Variants in IQSEC3 observed in about 807,000 individuals in gnomAD.
IQSEC3 encodes IQ motif and Sec7 domain ArfGEF 3.
IQSEC3 carries 50 observed loss-of-function variants against 105.4 expected under a neutral mutation model. The ratio of observed to expected loss-of-function variants is 0.47; its 90% CI spans 0.38 to 0.60. IQSEC3 has a LOEUF of 0.60. Ranked by LOEUF, IQSEC3 falls within the 20% of genes least tolerant of loss-of-function variation. The pLI, the probability that IQSEC3 is intolerant of heterozygous loss-of-function variation, is 0.00. For synonymous variants in IQSEC3, 708 were observed against 746.0 expected (o/e 0.95, Z 0.83); for missense variants, 1,415 against 1,630.0 (o/e 0.87, Z 2.27).
chr12:92,819 G>C (rs1250989592), intron 1 of IQSEC3, among the ~76,000 whole-genome samples: 1 of 152,174 alleles, frequency 6.6e-6, no homozygotes, highest in African/African-American at 2.4e-5. Context: ...GCAGCCCCTG[G>C]GAAGCAGGTT....
intron 5 of IQSEC3, among the ~76,000 whole-genome samples, chr12:149,454 T>C (rs931613372): frequency 6.6e-6 from 1 of 152,162 alleles, no homozygotes; most frequent in Admixed American, 6.5e-5. Context: ...TGAGTAATCC[T>C]GGGCCGTTGG....
intron 3 of IQSEC3, among the ~76,000 whole-genome samples, chr12:131,977 T>C (rs1483170856): frequency 6.6e-6 from 1 of 152,128 alleles, no homozygotes; most frequent in African/African-American, 2.4e-5. Context: ...ATGCCGTGAA[T>C]AACTTATGCT....
At chr12:125,393 G>A (rs543900829) in intron 2 of IQSEC3, among the ~76,000 whole-genome samples, 3 of 151,944 alleles carry the variant, frequency 2.0e-5, no homozygotes, top group African/African-American at 7.3e-5. Flanking sequence ...CCTGAGCCCT[G>A]GCCATAGCTG....
At chr12:98,956 C>T (rs537796297) in intron 1 of IQSEC3, among the ~76,000 whole-genome samples, 190 bp from the exon 2 acceptor site, 20 of 152,076 alleles carry the variant, frequency 1.3e-4, no homozygotes, top group Non-Finnish European at 2.8e-4. Context: ...ATTTAAGAGG[C>T]CTCTGATGGA....
intron 1 of IQSEC3, among the ~76,000 whole-genome samples, chr12:90,218 T>C (rs1345098194): frequency 4.6e-5 from 7 of 152,250 alleles, no homozygotes; most frequent in African/African-American, 1.7e-4. Context: ...TATATTTCCT[T>C]TGGAGAAGTG....
chr12:135,978 T>C (rs564489799), intron 3 of IQSEC3, among the ~76,000 whole-genome samples: 1 of 152,346 alleles, frequency 6.6e-6, no homozygotes, highest in East Asian at 1.9e-4. Context: ...CAGGTGCTAC[T>C]TTAAGTGGCT....
rs1555083114 is a variant in IQSEC3 at position 125,735 on chromosome 12, A to G, written c.726A>G (p.Gln242=). 3.3e-6 allele frequency: 5 copies of G among 1,524,530 alleles called. No individual in the cohort carries two copies. The highest frequency in any genetic ancestry group is 3.5e-6 in the Non-Finnish European group (4 of 1,144,992). 94.4% of individuals were successfully genotyped at this position (1,524,530 alleles called of 1,614,324 possible). ...GRPSAHAPKA[Q]AQELQEEEER... ...CCAGTGCCCATGCCCCGAAGGCTCAAGCCCAGGAGCTGCAGGAGGAGGAGG... is the reference window on the plus strand; with the variant it reads ...CCAGTGCCCATGCCCCGAAGGCTCAGGCCCAGGAGCTGCAGGAGGAGGAGG... Residue 242 remains glutamine (Q), a synonymous_variant, in exon 3 of 14, where the codon CAA becomes CAG. Transcript: ENST00000538872.
rs1866008692 is a variant in IQSEC3, at chr12:141,173, G to C, written c.2041G>C (p.Asp681His). 2 of 1,612,872 alleles carry C rather than the reference G, an allele frequency of 1.2e-6. No individual in the cohort carries two copies. The highest frequency in any genetic ancestry group is 1.3e-5 in the African/African-American group (1 of 74,550). ...QFLISRGFIP[D>H]TPIGVAHFLL... is the part of the protein sequence containing the mutation. The stretch of plus-strand genomic sequence containing the variant: ...CCTGATCTCACGCGGCTTCATCCCG[G>C]ACACCCCCATCGGTGTGGCCCATTT... The change falls in exon 5 of 14, where the codon GAC (aspartate) becomes CAC (histidine). Residue 681 changes from aspartate (D) to histidine (H), a missense_variant. Around this residue, in one of 6 missense-constraint regions of IQSEC3, gnomAD observed 213 missense variants for 306.2 expected, o/e 0.70. Coordinates refer to ENST00000538872, the MANE Select transcript of IQSEC3 (RefSeq NM_001170738.2).
rs1555098217 is a variant in IQSEC3 at position 165,785 on chromosome 12, G to C, written c.2866G>C (p.Val956Leu). Residue 956 changes from valine (V) to leucine (L), a missense_variant, in exon 11 of 14, where the codon GTG becomes CTG. This residue lies in a region of IQSEC3 where 419 missense variants were observed against 436.2 expected (regional missense o/e 0.96). Transcript: ENST00000538872. ...GCTCTCGGGCTCCGAGAAGAAGCAG[G>C]TGCTGCATTTCTGTGCCCTGGGCTC... ...TPLSGSEKKQ[V>L]LHFCALGSDE... 1.9e-6 allele frequency: 3 copies of C among 1,613,926 alleles called. No individual in the cohort carries two copies. Among genetic ancestry groups the C allele is most frequent in the Non-Finnish European group, 1.7e-6 (2 of 1,180,058 alleles).
At chr12:75,583 T>C (rs1365654857) in intron 1 of IQSEC3, among the ~76,000 whole-genome samples, 3 of 152,196 alleles carry the variant, frequency 2.0e-5, no homozygotes, top group African/African-American at 7.2e-5. Context: ...CATGACTCTG[T>C]TGGGGTTTGC....
At chr12:88,883 G>C (rs1555072702) in intron 1 of IQSEC3, among the ~76,000 whole-genome samples, 1 of 152,222 alleles carries the variant, frequency 6.6e-6, no homozygotes. Context: ...CTCAGTAGCA[G>C]AGACTAATAA....
In IQSEC3 at chr12:138,470, G is replaced by T; in HGVS notation, c.1107G>T (p.Ala369=). Residue 369 remains alanine (A), a synonymous_variant, in exon 4 of 14, where the codon GCG becomes GCT. Coordinates refer to ENST00000538872, the MANE Select transcript of IQSEC3 (RefSeq NM_001170738.2). The surrounding 1 kb of genome is among the most constrained non-coding windows in gnomAD (Gnocchi z 7.1). ...CCGAGAGCCTGGCGGCCGAGAAAGC[G>T]CTCATGGAGGGCTACGGCCTCGTGG... The part of the protein sequence containing the change: ...PTAESLAAEK[A]LMEGYGLVGL... 6.3e-7 allele frequency: 1 copy of T among 1,600,000 alleles called. No individual in the cohort carries two copies. Among genetic ancestry groups the T allele is most frequent in the Non-Finnish European group, 8.5e-7 (1 of 1,178,052 alleles).
chr12:69,438 C>T (rs1302458588), intron 1 of IQSEC3, among the ~76,000 whole-genome samples: 1 of 152,254 alleles, frequency 6.6e-6, no homozygotes, highest in Non-Finnish European at 1.5e-5. Context: ...TTCCTTCTCA[C>T]CTGTCCTGCT....
At chr12:110,289 C>G (rs1218993062) in intron 2 of IQSEC3, among the ~76,000 whole-genome samples, 1 of 152,102 alleles carries the variant, frequency 6.6e-6, no homozygotes, top group Non-Finnish European at 1.5e-5. Context: ...TTAGTAATAT[C>G]AGGCCAGCTT....
intron 1 of IQSEC3, among the ~76,000 whole-genome samples, chr12:77,867 G>C (rs1863600448): frequency 6.6e-6 from 1 of 150,720 alleles, no homozygotes; most frequent in African/African-American, 2.4e-5. Flanking sequence ...TCCTACGTGG[G>C]GAGGGAACGT....
At chr12:158,329 G>A (rs1866768987) in intron 7 of IQSEC3, among the ~76,000 whole-genome samples, 2 of 152,166 alleles carry the variant, frequency 1.3e-5, no homozygotes, top group South Asian at 4.1e-4. Context: ...GACTTTTTTA[G>A]CTATTTGCGT....
At chr12:122,399 C>T (rs369524139) in intron 2 of IQSEC3, among the ~76,000 whole-genome samples, 6 of 152,076 alleles carry the variant, frequency 3.9e-5, no homozygotes, top group Admixed American at 1.3e-4. Flanking sequence ...ATTGTGTGTG[C>T]GTGAGTGTGT....
intron 2 of IQSEC3, among the ~76,000 whole-genome samples, chr12:124,117 T>G (rs2136965002): frequency 6.6e-6 from 1 of 152,240 alleles, no homozygotes; most frequent in African/African-American, 2.4e-5. Flanking sequence ...CCGGGCACAG[T>G]GGCTCACACC....
intron 1 of IQSEC3, among the ~76,000 whole-genome samples, chr12:83,949 T>C (rs1353551521): frequency 3.9e-5 from 6 of 152,178 alleles, no homozygotes; most frequent in Admixed American, 6.5e-5. Flanking sequence ...GGGAAGATAT[T>C]ACAGTCCCTA....
Sources: gnomAD v4.1 joint callset for allele counts (sites outside exome capture counted in the v4.1 genomes callset) on GRCh38, gnomAD v4.1.1 for gene constraint, gnomAD v4.1.1 regional missense constraint, Gnocchi (gnomAD v3.1) non-coding constraint, MANE v1.5 for transcripts, NCBI Gene and HGNC (gene_info 2026-07-23, HGNC 2026-07-21) for gene names.